The following GALNT13 variants were observed in gnomAD, a reference collection of about 807,000 sequenced individuals.
GALNT13 encodes UDP-GalNAc:polypeptide N-acetylgalactosaminyltransferase 13.
A neutral mutation model predicts 64.2 loss-of-function variants in GALNT13; 28 were observed. The ratio of observed to expected loss-of-function variants is 0.44; its 90% CI spans 0.32 to 0.60. GALNT13 has a LOEUF of 0.60. Ranked by LOEUF, GALNT13 falls within the 20% of genes least tolerant of loss-of-function variation. GALNT13 has a pLI of 0.05. For synonymous variants in GALNT13, 214 were observed against 224.6 expected, an observed-to-expected ratio of 0.95 and a Z score of 0.42; for missense variants, 577 against 669.8, an observed-to-expected ratio of 0.86 and a Z score of 1.53.
the GALNT13 span, among the ~76,000 whole-genome samples, chr2:153,652,206 CAA>C: frequency 6.6e-6 from 1 of 152,210 alleles, no homozygotes; most frequent in Admixed American, 6.6e-5. Flanking sequence ...AGGGTTTAAA[CAA>C]ATATATTTTA....
rs1701903985 is a variant in GALNT13, at chr2:154,452,366, G to A, written c.*1815G>A. 6.6e-6 allele frequency: 1 copy of A among 151,990 alleles called. No individual in the cohort carries two copies. Among genetic ancestry groups the A allele is most frequent in the African/African-American group, 2.4e-5 (1 of 41,396 alleles). 9.4% of individuals were successfully genotyped at this position (151,990 alleles called of 1,614,324 possible). ...CCTCTCAAGTCCATTGAGGCCTCAT[G>A]TAAAATTCCCATTTTTCATCTTTAC... On this transcript the variant is annotated 3_prime_UTR_variant, in exon 13 of 13. Transcript: ENST00000392825.
At chr2:154,202,415 A>T (rs1296133617) in intron 4 of GALNT13, among the ~76,000 whole-genome samples, 1 of 152,086 alleles carries the variant, frequency 6.6e-6, no homozygotes, top group Non-Finnish European at 1.5e-5. Context: ...TAGTAGAAAC[A>T]TGAATGGAGG....
At chr2:153,292,708 A>C in the GALNT13 span, among the ~76,000 whole-genome samples, 1 of 152,166 alleles carries the variant, frequency 6.6e-6, no homozygotes, top group Admixed American at 6.5e-5. Context: ...CCCAGGGAAA[A>C]GAGATGGAAC....
At chr2:153,129,645 C>T in the GALNT13 span, among the ~76,000 whole-genome samples, 2 of 152,040 alleles carry the variant, frequency 1.3e-5, no homozygotes. Context: ...TGATGGCATG[C>T]ATCTGTAGTC....
At chr2:154,180,786 T>C (rs1367903884) in intron 4 of GALNT13, among the ~76,000 whole-genome samples, 1 of 152,208 alleles carries the variant, frequency 6.6e-6, no homozygotes, top group Non-Finnish European at 1.5e-5. Flanking sequence ...TCTATATACT[T>C]AATTTCATTG....
chr2:153,755,852 G>A, the GALNT13 span, among the ~76,000 whole-genome samples: 12 of 151,840 alleles, frequency 7.9e-5, no homozygotes, highest in South Asian at 2.1e-4. Flanking sequence ...TCTTTATCTC[G>A]AACATACCCT....
the GALNT13 span, among the ~76,000 whole-genome samples, chr2:153,549,152 T>C: frequency 2.0e-5 from 3 of 152,110 alleles, no homozygotes; most frequent in African/African-American, 7.2e-5. Context: ...GGGTTTCTTT[T>C]TGGGGTGATA....
At chr2:154,274,652 C>T (rs1471881495) in intron 8 of GALNT13, among the ~76,000 whole-genome samples, 3 of 152,106 alleles carry the variant, frequency 2.0e-5, no homozygotes, top group Non-Finnish European at 4.4e-5. Context: ...TGAAGCCTTA[C>T]AAGCCATGCT....
the GALNT13 span, among the ~76,000 whole-genome samples, chr2:153,616,527 A>G: frequency 6.6e-6 from 1 of 151,996 alleles, no homozygotes; most frequent in African/African-American, 2.4e-5. Flanking sequence ...TAGCATTAAC[A>G]TTTTAACAAT....
At chr2:153,772,202 A>G in the GALNT13 span, among the ~76,000 whole-genome samples, 15 of 152,348 alleles carry the variant, frequency 9.8e-5, no homozygotes, top group African/African-American at 3.6e-4. Context: ...AAATGCCTGC[A>G]GTGGCTGCCG....
the GALNT13 span, among the ~76,000 whole-genome samples, chr2:153,437,459 C>G: frequency 2.6e-5 from 4 of 152,246 alleles, no homozygotes; most frequent in African/African-American, 9.6e-5. Context: ...GTGTGGGAGT[C>G]TAAGTCTCTT....
chr2:153,425,303 CTTTG>C, the GALNT13 span, among the ~76,000 whole-genome samples: 1 of 151,580 alleles, frequency 6.6e-6, no homozygotes, highest in Non-Finnish European at 1.5e-5. Flanking sequence ...TCAGTTATTC[CTTTG>C]TTTGCAATAT....
At chr2:153,656,244 C>T in the GALNT13 span, among the ~76,000 whole-genome samples, 1 of 151,854 alleles carries the variant, frequency 6.6e-6, no homozygotes, top group Non-Finnish European at 1.5e-5. Flanking sequence ...GCACACATTT[C>T]AACTATGGTG....
chr2:153,204,290 G>A, the GALNT13 span, among the ~76,000 whole-genome samples: 19 of 152,178 alleles, frequency 1.2e-4, no homozygotes, highest in African/African-American at 4.1e-4. Context: ...TACTTCTCTC[G>A]CCTCTTGAGG....
chr2:153,215,399 A>G, the GALNT13 span, among the ~76,000 whole-genome samples: 1 of 152,122 alleles, frequency 6.6e-6, no homozygotes, highest in African/African-American at 2.4e-5. Context: ...TTGCCATTTT[A>G]TAGATAAAAC....
At chr2:153,859,468 C>G in the GALNT13 span, among the ~76,000 whole-genome samples, 1 of 152,106 alleles carries the variant, frequency 6.6e-6, no homozygotes, top group African/African-American at 2.4e-5. Flanking sequence ...TGATTTCTCT[C>G]CTTACTTACT....
chr2:154,346,729 T>G (rs922698577), intron 9 of GALNT13, among the ~76,000 whole-genome samples: 1 of 152,132 alleles, frequency 6.6e-6, no homozygotes, highest in Non-Finnish European at 1.5e-5. Context: ...AACAGACTAA[T>G]ACATATCACT....
At chr2:153,769,470 T>C in the GALNT13 span, among the ~76,000 whole-genome samples, 108 of 152,248 alleles carry the variant, frequency 7.1e-4, no homozygotes, top group African/African-American at 2.5e-3. Context: ...CTGATAGAAT[T>C]TCCTTTACAG....
chr2:153,256,538 G>C, the GALNT13 span, among the ~76,000 whole-genome samples: 182 of 152,308 alleles, frequency 1.2e-3, no homozygotes, highest in African/African-American at 4.3e-3. Context: ...AGGAGGAGAG[G>C]CGCTCTGCTT....
Sources: allele counts gnomAD v4.1 joint callset (sites outside exome capture counted in the v4.1 genomes callset), GRCh38; gene constraint gnomAD v4.1.1; transcripts MANE v1.5; gene names NCBI Gene and HGNC (gene_info 2026-07-23, HGNC 2026-07-21).